CNOT1: variants seen among roughly 807,000 people sequenced by gnomAD.
CNOT1 encodes CCR4-associated factor 1.
In CNOT1, 15 loss-of-function variants were observed where a neutral mutation model predicts 273.8. The observed-to-expected ratio is 0.05, with a 90% CI of 0.04 to 0.08. CNOT1 has a LOEUF of 0.08. CNOT1 is among the 10% of genes least tolerant of loss of function. CNOT1 has a pLI of 1.00. For synonymous variants in CNOT1, 1,022 were observed against 1,005.5 expected, an observed-to-expected ratio of 1.02 and a Z score of -0.31; for missense variants, 1,644 against 2,912.2, an observed-to-expected ratio of 0.56 and a Z score of 10.02.
chr16:58,544,036 T>C, intron 30 of CNOT1, 133 bp from the exon 31 acceptor site: 1 of 1,406,420 alleles, frequency 7.1e-7, no homozygotes. Flanking sequence ...AGTTAACCAA[T>C]GGAAAATTCG....
chr16:58,521,203 G>C lies in CNOT1; in HGVS notation c.7032C>G (p.His2344Gln), dbSNP rs756597670. The C allele has an allele frequency of 6.2e-7, 1 of 1,613,874 alleles. No individual in the cohort carries two copies. The change falls in exon 48 of 49, where the codon CAC becomes CAG. Residue 2344 changes from histidine to glutamine, a missense_variant. Physicochemically the swap from His to Gln is conservative, Grantham distance 24 (BLOSUM62 0). Around this residue, in one of 13 missense-constraint regions of CNOT1, gnomAD observed 140 missense variants for 324.6 expected, o/e 0.43. Transcript: ENST00000317147. ...AFKFWNHEFV[H>Q]CAPEIEKLFQ... ...CTCACTTTTCGATTTCTGGGGCACA[G>C]TGTACAAATTCATGGTTCCAGAACT... is the stretch of plus-strand genomic sequence containing the variant.
At position 58,580,744 on chromosome 16, in the gene CNOT1, T is replaced by C; in HGVS notation, c.1232A>G (p.His411Arg). Residue 411 changes from histidine (H) to arginine (R), a missense_variant, in exon 12 of 49, where the codon CAT (histidine) becomes CGT (arginine). Coordinates refer to ENST00000317147, the MANE Select transcript of CNOT1 (RefSeq NM_016284.5). Reference protein sequence around the residue: ...HAEGQLSFIQHSLINPEIFCF... With the variant: ...HAEGQLSFIQRSLINPEIFCF... ...GAAGATCTCTGGATTTATAAGGGAA[T>C]GTTGAATGAAGGAGAGCTGCAATGA... 1.2e-6 allele frequency: 2 copies of C among 1,611,836 alleles called. No individual in the cohort carries two copies. Among genetic ancestry groups the C allele is most frequent in the Non-Finnish European group, 1.7e-6 (2 of 1,178,998 alleles).
rs1253407414 is a variant in CNOT1 at position 58,543,242 on chromosome 16, C to A, written c.4434+365G>T. 15 of 1,540,304 alleles carry A rather than the reference C, an allele frequency of 9.7e-6. No homozygotes were observed. In the East Asian group the frequency reaches 3.7e-4, roughly 38 times the overall value. On this transcript the variant is annotated intron_variant, in intron 31 of 48. Transcript: ENST00000317147. ...ATTTGAAAAGTGTGTGCACATGCAA[C>A]ATCACTTTAAGTCATTTTGTATCGG...
At chr16:58,610,715 T>C (rs752160676) in intron 1 of CNOT1, among the ~76,000 whole-genome samples, 5 of 151,520 alleles carry the variant, frequency 3.3e-5, no homozygotes, top group Non-Finnish European at 5.9e-5. Context: ...TGGTGGCAGG[T>C]GCCTGTAGTC....
chr16:58,586,153 A>G lies in CNOT1; in HGVS notation c.637+392T>C, dbSNP rs531156123. Reference sequence around the variant, plus strand: ...AGCATGTAAGGCTAGGTATGGTGTCATGCTCGCCTGATCTTCCCAAAGTGC... The same window carrying G: ...AGCATGTAAGGCTAGGTATGGTGTCGTGCTCGCCTGATCTTCCCAAAGTGC... On this transcript the variant is annotated intron_variant, in intron 7 of 48. Transcript: ENST00000317147. Among the ~76,000 whole-genome samples, 153 of 140,838 alleles carry G rather than the reference A, an allele frequency of 1.1e-3. 1 individual carries two copies. Among genetic ancestry groups the G allele is most frequent in the Non-Finnish European group, 2.0e-3 (132 of 65,730 alleles). 92.4% of individuals were successfully genotyped at this position (140,838 alleles called of 152,430 possible).
At chr16:58,567,141 C>A (rs2041073561) in intron 16 of CNOT1, among the ~76,000 whole-genome samples, 1 of 151,210 alleles carries the variant, frequency 6.6e-6, no homozygotes, top group Admixed American at 6.6e-5. Flanking sequence ...GACTGTACAA[C>A]AACACAGTAA....
intron 16 of CNOT1, among the ~76,000 whole-genome samples, chr16:58,563,610 G>A (rs2040937042): frequency 6.6e-6 from 1 of 152,166 alleles, no homozygotes; most frequent in African/African-American, 2.4e-5. Context: ...GGAAACAAGA[G>A]GTCCTCTGAA....
intron 33 of CNOT1, 105 bp from the exon 34 acceptor site, chr16:58,541,725 CATTACAACAT>C: frequency 9.3e-7 from 1 of 1,077,760 alleles, no homozygotes; most frequent in South Asian, 1.4e-5. Context: ...ACACAAGAGT[CATTACAACAT>C]ATAACAGCAT....
At position 58,555,433 on chromosome 16, in the gene CNOT1, G is replaced by A. The variant is rs1169393845; in HGVS notation, c.2709C>T (p.Pro903=). The A allele has an allele frequency of 2.5e-6, 4 of 1,614,000 alleles. No homozygotes were observed. Among genetic ancestry groups the A allele is most frequent in the Non-Finnish European group, 3.4e-6 (4 of 1,179,996 alleles). ...RNLFEEYRFF[P]QYPDKELHIT... ...TATGTAACTCTTTATCAGGATACTGGGGAAAAAAACGATATTCTTCAAACA... is the reference window on the plus strand; with the variant it reads ...TATGTAACTCTTTATCAGGATACTGAGGAAAAAAACGATATTCTTCAAACA... Residue 903 remains proline (P), a synonymous_variant, in exon 21 of 49, where the codon CCC becomes CCT. Transcript: ENST00000317147.
intron 1 of CNOT1, among the ~76,000 whole-genome samples, chr16:58,607,841 G>A (rs528459508): frequency 4.6e-4 from 69 of 151,418 alleles, no homozygotes; most frequent in Admixed American, 5.3e-4. Flanking sequence ...TTTTGGTTTT[G>A]ATTTCTGAGC....
At chr16:58,617,848 C>T (rs772803174) in intron 1 of CNOT1, among the ~76,000 whole-genome samples, 11 of 152,124 alleles carry the variant, frequency 7.2e-5, no homozygotes, top group African/African-American at 2.2e-4. Context: ...TCTACAACTA[C>T]AACAATAAAA....
At chr16:58,553,731 C>A in intron 22 of CNOT1, 51 bp downstream of exon 22, 1 of 1,553,178 alleles carries the variant, frequency 6.4e-7, no homozygotes, top group Non-Finnish European at 8.6e-7. Context: ...AAATATTAAA[C>A]CCTCCAAATA....
At chr16:58,563,631 C>T (rs1277222864) in intron 16 of CNOT1, among the ~76,000 whole-genome samples, 1 of 152,188 alleles carries the variant, frequency 6.6e-6, no homozygotes, top group Non-Finnish European at 1.5e-5. Context: ...GCTTCATTTA[C>T]AAATGTATCT....
intron 16 of CNOT1, among the ~76,000 whole-genome samples, chr16:58,572,154 A>ATGCC (rs1221994965): frequency 6.6e-6 from 1 of 151,752 alleles, no homozygotes; most frequent in African/African-American, 2.4e-5. Flanking sequence ...GTGGTGGCGC[A>ATGCC]TGCCTGTAAT....
At chr16:58,577,616 T>G (rs2041503596) in intron 13 of CNOT1, among the ~76,000 whole-genome samples, 1 of 152,162 alleles carries the variant, frequency 6.6e-6, no homozygotes, top group Admixed American at 6.6e-5. Flanking sequence ...AGTTTTTTTC[T>G]GCATGTATCA....
intron 6 of CNOT1, 51 bp from the exon 7 acceptor site, chr16:58,586,799 G>A (rs750989959): frequency 5.1e-6 from 8 of 1,582,766 alleles, no homozygotes; most frequent in South Asian, 1.1e-5. Context: ...ACCACAATGG[G>A]TTAAAAAGTC....
chr16:58,553,629 G>A (rs1236307386), intron 22 of CNOT1, among the ~76,000 whole-genome samples, 153 bp downstream of exon 22: 1 of 152,056 alleles, frequency 6.6e-6, no homozygotes, highest in African/African-American at 2.4e-5. Context: ...GCCACAAAAT[G>A]AGCAACCTCA....
In CNOT1 at chr16:58,541,523, C is replaced by A; in HGVS notation, c.4778G>T (p.Gly1593Val). 6.2e-7 allele frequency: 1 copy of A among 1,613,806 alleles called. No homozygotes were observed. The highest frequency in any genetic ancestry group is 8.5e-7 in the Non-Finnish European group (1 of 1,179,764). ...TACCTTCATGGGCTGGGCTAAAAAT[C>A]CCGTGGGCTGACTTAAGTCATTTGT... Reference protein sequence around the residue: ...LPTNDLSQPTGFLAQPMKQAW... With the variant: ...LPTNDLSQPTVFLAQPMKQAW... The change falls in exon 34 of 49, where the codon GGA becomes GTA. Residue 1593 changes from glycine (G) to valine (V), a missense_variant. By Grantham distance (109) the Gly-to-Val change is moderately radical (BLOSUM62 -3). Around this residue, in one of 13 missense-constraint regions of CNOT1, gnomAD observed 170 missense variants for 273.1 expected, o/e 0.62. Coordinates refer to ENST00000317147, the MANE Select transcript of CNOT1 (RefSeq NM_016284.5).
chr16:58,566,973 TTC>T (rs2041066494), intron 16 of CNOT1, among the ~76,000 whole-genome samples: 2 of 152,070 alleles, frequency 1.3e-5, no homozygotes, highest in South Asian at 4.1e-4. Context: ...AGAGGCACGT[TTC>T]TCTCTAATTA....
Sources: allele counts gnomAD v4.1 joint callset (sites outside exome capture counted in the v4.1 genomes callset), GRCh38; gene constraint gnomAD v4.1.1; regional missense constraint gnomAD v4.1.1; transcripts MANE v1.5; gene names NCBI Gene and HGNC (gene_info 2026-07-23, HGNC 2026-07-21).